PSMD1: variants seen among roughly 807,000 people sequenced by gnomAD.
The protein encoded by PSMD1 is proteasome 26S subunit, non-ATPase 1, also known as 26S proteasome non-ATPase regulatory subunit 1.
Under a neutral mutation model 119.0 loss-of-function variants are expected in PSMD1, and 18 were observed. That is an observed-to-expected ratio of 0.15 (90% CI 0.10 to 0.22). The LOEUF (loss-of-function observed/expected upper bound fraction) is 0.22, where lower values mean the gene tolerates loss of function less well. Ranked by LOEUF, PSMD1 falls within the 10% of genes least tolerant of loss-of-function variation. The pLI, the probability that PSMD1 is intolerant of heterozygous loss-of-function variation, is 1.00. For synonymous variants in PSMD1, 374 were observed against 396.6 expected (o/e 0.94, Z 0.68); for missense variants, 702 against 1,158.5 (o/e 0.61, Z 5.72).
At chr2:231,104,261 T>C (rs1223809639) in intron 16 of PSMD1, among the ~76,000 whole-genome samples, 1 of 152,216 alleles carries the variant, frequency 6.6e-6, no homozygotes, top group Non-Finnish European at 1.5e-5. Flanking sequence ...ACAAAATTCA[T>C]GTCTGCCCTT....
chr2:231,107,688 G>A (rs1339407974), intron 16 of PSMD1, among the ~76,000 whole-genome samples: 2 of 152,146 alleles, frequency 1.3e-5, no homozygotes, highest in East Asian at 1.9e-4. Context: ...ATTTTGTGCT[G>A]GAAGTTCACT....
Position 231,057,244 on chromosome 2 carries a change from G to T in PSMD1, c.16+203G>T, listed in dbSNP as rs563114428. ...TTCTCTGGCTTGAGGGAATCGAGCCGGGTCGACCGCCTCGGCATCCCTCCC... is the reference window on the plus strand; with the variant it reads ...TTCTCTGGCTTGAGGGAATCGAGCCTGGTCGACCGCCTCGGCATCCCTCCC... On this transcript the variant is annotated intron_variant, in intron 1 of 24. Coordinates refer to ENST00000308696, the MANE Select transcript of PSMD1 (RefSeq NM_002807.4). Among the ~76,000 whole-genome samples, 228 of 152,168 alleles carry T rather than the reference G, an allele frequency of 1.5e-3. 3 individuals are homozygous for T. The highest frequency in any genetic ancestry group is 4.9e-3 in the East Asian group (25 of 5,114).
chr2:231,069,072 G>A (rs1303758653), intron 5 of PSMD1, among the ~76,000 whole-genome samples: 1 of 151,978 alleles, frequency 6.6e-6, no homozygotes, highest in Non-Finnish European at 1.5e-5. Flanking sequence ...ACCTACTATA[G>A]TAGCAAACAA....
At chr2:231,160,494 T>C (rs1696612504) in intron 19 of PSMD1, among the ~76,000 whole-genome samples, 1 of 152,216 alleles carries the variant, frequency 6.6e-6, no homozygotes, top group African/African-American at 2.4e-5. Flanking sequence ...AGTCAGAACA[T>C]ATTCTTTACT....
intron 16 of PSMD1, among the ~76,000 whole-genome samples, chr2:231,105,094 G>A (rs1213642750): frequency 1.3e-5 from 2 of 152,134 alleles, no homozygotes; most frequent in Non-Finnish European, 2.9e-5. Context: ...TTGTCTTTGT[G>A]TAAAATTCTT....
intron 16 of PSMD1, chr2:231,123,964 A>G: frequency 3.5e-6 from 2 of 575,318 alleles, no homozygotes; most frequent in Non-Finnish European, 6.2e-6. Flanking sequence ...TAGGTAAGAT[A>G]TCCAAGTATT....
chr2:231,115,950 T>A (rs548736569), intron 16 of PSMD1, among the ~76,000 whole-genome samples: 14 of 152,116 alleles, frequency 9.2e-5, no homozygotes, highest in Non-Finnish European at 1.6e-4. Context: ...TTTGGAAGAC[T>A]TTCTGGTAAG....
chr2:231,167,102 A>G (rs760493972), intron 23 of PSMD1, among the ~76,000 whole-genome samples: 4 of 152,212 alleles, frequency 2.6e-5, no homozygotes, highest in Non-Finnish European at 4.4e-5. Flanking sequence ...AAACAATGGT[A>G]AATGCTAATC....
chr2:231,128,508 ACTGC>A (rs1695779415), intron 16 of PSMD1, among the ~76,000 whole-genome samples: 1 of 152,188 alleles, frequency 6.6e-6, no homozygotes. Context: ...TTCTCTTCTG[ACTGC>A]CTGTTATTTT....
intron 16 of PSMD1, among the ~76,000 whole-genome samples, chr2:231,116,434 A>G (rs145717743): frequency 2.0e-5 from 3 of 152,140 alleles, no homozygotes; most frequent in African/African-American, 7.2e-5. Flanking sequence ...TCTCTGTAAC[A>G]TCTTTTAAAA....
chr2:231,160,723 G>A (rs1696617509), intron 19 of PSMD1, among the ~76,000 whole-genome samples: 1 of 152,072 alleles, frequency 6.6e-6, no homozygotes, highest in South Asian at 2.1e-4. Flanking sequence ...ATACCCTTCA[G>A]GCCTAGTTTT....
chr2:231,085,435 T>C (rs2125175573), intron 15 of PSMD1, among the ~76,000 whole-genome samples: 2 of 152,290 alleles, frequency 1.3e-5, no homozygotes, highest in Admixed American at 6.5e-5. Flanking sequence ...CACCCTAGGA[T>C]AGAGAAATTC....
chr2:231,094,017 C>T (rs1173637374), intron 16 of PSMD1, among the ~76,000 whole-genome samples: 1 of 152,114 alleles, frequency 6.6e-6, no homozygotes. Context: ...CACTAATTAA[C>T]TGAGAATTGG....
intron 16 of PSMD1, among the ~76,000 whole-genome samples, chr2:231,129,080 A>G (rs1695795636): frequency 6.6e-6 from 1 of 152,234 alleles, no homozygotes; most frequent in Non-Finnish European, 1.5e-5. Flanking sequence ...GCATGTCCTC[A>G]GTAATCACAG....
intron 18 of PSMD1, 48 bp from the exon 19 acceptor site, chr2:231,153,516 C>A (rs772598671): frequency 7.6e-7 from 1 of 1,308,162 alleles, no homozygotes; most frequent in Non-Finnish European, 1.1e-6. Context: ...TAAAATGGTA[C>A]CGCAAATGAG....
intron 12 of PSMD1, 122 bp downstream of exon 12, chr2:231,080,436 C>T: frequency 2.5e-6 from 2 of 811,796 alleles, no homozygotes; most frequent in Non-Finnish European, 1.8e-6. Flanking sequence ...CAACTGTCAT[C>T]TTGGATTTTT....
intron 12 of PSMD1, among the ~76,000 whole-genome samples, chr2:231,082,300 A>G (rs1217371808): frequency 6.6e-6 from 1 of 152,188 alleles, no homozygotes; most frequent in Non-Finnish European, 1.5e-5. Context: ...TTCTGGGCTC[A>G]AGTGATCTTC....
intron 16 of PSMD1, among the ~76,000 whole-genome samples, chr2:231,125,657 A>C (rs10187149): frequency 0.4 from 60,134 of 152,092 alleles, 13,217 homozygotes; most frequent in African/African-American, 0.58. Flanking sequence ...TTTTCCCCAT[A>C]GACTTTACGT....
Position 231,070,141 on chromosome 2 carries a change from G to A in PSMD1, c.627G>A (p.Glu209=). 1.3e-6 allele frequency: 2 copies of A among 1,554,986 alleles called. No homozygotes were observed. The highest frequency in any genetic ancestry group is 1.4e-5 in the African/African-American group (1 of 72,276). Residue 209 remains glutamate, a synonymous_variant, in exon 6 of 25, where the codon GAG becomes GAA. Coordinates refer to ENST00000308696, the MANE Select transcript of PSMD1 (RefSeq NM_002807.4). ...TAGTTAAAATCTACATGAACTTGGA[G>A]AAACCTGATTTCATCAATGTTTGTC... ...RVLVKIYMNL[E]KPDFINVCQC... is the part of the protein sequence containing the mutation.
Sources: gnomAD v4.1 joint callset for allele counts (sites outside exome capture counted in the v4.1 genomes callset) on GRCh38, gnomAD v4.1.1 for gene constraint, MANE v1.5 for transcripts, NCBI Gene and HGNC (gene_info 2026-07-23, HGNC 2026-07-21) for gene names.